TASP1: variants seen among roughly 807,000 people sequenced by gnomAD.
TASP1 encodes threonine aspartase 1.
In TASP1, 16 loss-of-function variants were observed where a neutral mutation model predicts 56.6. The ratio of observed to expected loss-of-function variants is 0.28; its 90% confidence interval spans 0.19 to 0.43. TASP1 has a LOEUF of 0.43. Ranked by LOEUF, TASP1 falls within the 20% of genes least tolerant of loss-of-function variation. The pLI, the probability that TASP1 is intolerant of heterozygous loss-of-function variation, is 1.00. For missense variants in TASP1, 393 were observed against 511.6 expected, an observed-to-expected ratio of 0.77 and a Z score of 2.24; for synonymous variants, 179 against 184.2, an observed-to-expected ratio of 0.97 and a Z score of 0.23.
chr20:13,392,640 C>T (rs1403169122), intron 13 of TASP1: 2 of 412,678 alleles, frequency 4.8e-6, no homozygotes, highest in Non-Finnish European at 9.3e-6. Context: ...ATTCAAGAGA[C>T]AGCCGCATCT....
At chr20:13,443,102 C>G (rs963194453) in intron 11 of TASP1, among the ~76,000 whole-genome samples, 14 of 152,002 alleles carry the variant, frequency 9.2e-5, no homozygotes, top group Admixed American at 9.2e-4. Context: ...TGGTAAGGAC[C>G]CTTCAGCATT....
At chr20:13,384,783 A>C (rs573474269), downstream of TASP1, among the ~76,000 whole-genome samples, 4 of 152,338 alleles carry the variant, frequency 2.6e-5, no homozygotes, top group East Asian at 7.7e-4. Context: ...CAACTAAATG[A>C]AAACAACTTA....
intron 10 of TASP1, among the ~76,000 whole-genome samples, chr20:13,500,701 T>A (rs552353540): frequency 6.6e-6 from 1 of 151,834 alleles, no homozygotes; most frequent in South Asian, 2.1e-4. Flanking sequence ...GATATAGTCA[T>A]GAGAAATTAT....
intron 8 of TASP1, among the ~76,000 whole-genome samples, chr20:13,552,456 C>T (rs1428105172): frequency 9.9e-5 from 15 of 152,046 alleles, no homozygotes. Context: ...TGAAGTTATA[C>T]GAGAAATAAG....
chr20:13,626,659 TCTCAAGAGAA>T (rs1356285229), intron 2 of TASP1, among the ~76,000 whole-genome samples: 1 of 152,054 alleles, frequency 6.6e-6, no homozygotes, highest in Non-Finnish European at 1.5e-5. Flanking sequence ...TAAACCTGTT[TCTCAAGAGAA>T]CTCTGAACAT....
At chr20:13,590,860 T>C (rs1002117979) in intron 4 of TASP1, among the ~76,000 whole-genome samples, 1 of 151,510 alleles carries the variant, frequency 6.6e-6, no homozygotes, top group Non-Finnish European at 1.5e-5. Flanking sequence ...AGCAACACAC[T>C]GTCTCAAAAA....
At chr20:13,557,631 A>C (rs2046209553) in intron 8 of TASP1, among the ~76,000 whole-genome samples, 1 of 131,954 alleles carries the variant, frequency 7.6e-6, no homozygotes, top group South Asian at 2.4e-4. Flanking sequence ...CCCAGGCTAG[A>C]GCACAGTGAC....
At position 13,435,148 on chromosome 20, in the gene TASP1, G is replaced by A; in HGVS notation, c.992C>T (p.Pro331Leu). The A allele has an allele frequency of 6.2e-7, 1 of 1,600,522 alleles. No homozygotes were observed. Among genetic ancestry groups the A allele is most frequent in the Non-Finnish European group, 8.5e-7 (1 of 1,173,108 alleles). The change falls in exon 12 of 14, where the codon CCT becomes CTT. Residue 331 changes from proline to leucine, a missense_variant. By Grantham distance (98) the Pro-to-Leu change is moderately conservative (BLOSUM62 -3). Around this residue, in one of 3 missense-constraint regions of TASP1, gnomAD observed 293 missense variants for 354.2 expected, o/e 0.83. Transcript: ENST00000337743. ...ETMQNKFISS[P>L]FLASEDGVLG... ...CACGCCATCTTCACTGGCAAGGAAA[G>A]GTGAACCTAGGCAGAAAGGACTAGT...
At chr20:13,351,624 G>T in the TASP1 span, among the ~76,000 whole-genome samples, 1 of 152,198 alleles carries the variant, frequency 6.6e-6, no homozygotes, top group African/African-American at 2.4e-5. Context: ...GGTTGCTTGG[G>T]GTGAGGAGAG....
At chr20:13,516,797 G>T (rs901543842) in intron 10 of TASP1, among the ~76,000 whole-genome samples, 1 of 151,718 alleles carries the variant, frequency 6.6e-6, no homozygotes, top group African/African-American at 2.4e-5. Flanking sequence ...CATCAAAAGT[G>T]CATCTTGGGG....
intron 10 of TASP1, among the ~76,000 whole-genome samples, chr20:13,500,533 G>GA (rs1419762408): frequency 1.3e-5 from 2 of 151,262 alleles, no homozygotes; most frequent in African/African-American, 4.9e-5. Context: ...TTATGTAAGT[G>GA]AAAAAAATAT....
At chr20:13,480,753 G>A (rs947349149) in intron 11 of TASP1, among the ~76,000 whole-genome samples, 1 of 152,144 alleles carries the variant, frequency 6.6e-6, no homozygotes, top group Admixed American at 6.6e-5. Flanking sequence ...AAGTTACCAT[G>A]TGCCATAATT....
the TASP1 span, among the ~76,000 whole-genome samples, chr20:13,120,731 G>A: frequency 6.6e-6 from 1 of 152,198 alleles, no homozygotes. Flanking sequence ...CAGAGGTTTT[G>A]TTTTTATCTC....
intron 12 of TASP1, among the ~76,000 whole-genome samples, chr20:13,430,217 G>A (rs942290118): frequency 9.9e-5 from 15 of 152,136 alleles, no homozygotes; most frequent in African/African-American, 3.6e-4. Context: ...AGACGAAAGG[G>A]CTTAAAAAGT....
the TASP1 span, chr20:13,221,694 G>A: frequency 8.4e-7 from 1 of 1,188,428 alleles, no homozygotes; most frequent in Non-Finnish European, 1.1e-6. Flanking sequence ...CCGGGCTCCC[G>A]GGCTCCTACT....
the TASP1 span, among the ~76,000 whole-genome samples, chr20:13,186,014 A>G: frequency 1.3e-5 from 2 of 152,182 alleles, no homozygotes; most frequent in Admixed American, 6.5e-5. Flanking sequence ...GTTAAGATCT[A>G]CTTACCTGGA....
the TASP1 span, chr20:13,154,180 G>A: frequency 1.2e-6 from 2 of 1,609,336 alleles, no homozygotes; most frequent in African/African-American, 1.3e-5. Flanking sequence ...TAAACCCCAA[G>A]GTGACCTAAG....
chr20:13,380,008 G>A, the TASP1 span, among the ~76,000 whole-genome samples: 1 of 152,052 alleles, frequency 6.6e-6, no homozygotes, highest in Non-Finnish European at 1.5e-5. Context: ...CCTATCATTG[G>A]GTTAGAACAT....
Position 13,541,006 on chromosome 20 carries a change from G to GTTGT in TASP1, c.676-6869_676-6866dup, listed in dbSNP as rs554422392. On this transcript the variant is annotated intron_variant, in intron 8 of 13. Coordinates refer to ENST00000337743, the MANE Select transcript of TASP1 (RefSeq NM_017714.3). ...ATAAGGCATATTTAATACACATTTG[G>GTTGT]TTGTAACTATAAGAAAAAAGGGAAA... Among the ~76,000 whole-genome samples, 887 of 152,096 alleles carry GTTGT rather than the reference G, an allele frequency of 5.8e-3. 9 individuals carry two copies. The highest frequency in any genetic ancestry group is 9.0e-3 in the Non-Finnish European group (611 of 67,990).
Sources: gnomAD v4.1 joint callset for allele counts (sites outside exome capture counted in the v4.1 genomes callset) on GRCh38, gnomAD v4.1.1 for gene constraint, gnomAD v4.1.1 regional missense constraint, MANE v1.5 for transcripts, NCBI Gene and HGNC (gene_info 2026-07-23, HGNC 2026-07-21) for gene names.